Variants in GFPT2 observed in about 807,000 individuals in gnomAD.
The protein encoded by GFPT2 is glutamine--fructose-6-phosphate aminotransferase [isomerizing] 2.
In GFPT2, 62 loss-of-function variants were observed where a neutral mutation model predicts 85.6. That is an observed-to-expected ratio of 0.72 (90% CI 0.59 to 0.90). GFPT2 has a LOEUF of 0.90. GFPT2 is among the 40% of genes least tolerant of loss of function. The pLI, the probability that GFPT2 is intolerant of heterozygous loss-of-function variation, is 0.00. For missense variants in GFPT2, 788 were observed against 893.4 expected (o/e 0.88, Z 1.50); for synonymous variants, 368 against 344.5 (o/e 1.07, Z -0.75).
chr5:180,320,905 C>G lies in GFPT2; in HGVS notation c.795-1949G>C, dbSNP rs972022515. On this transcript the variant is annotated intron_variant, in intron 9 of 18. Coordinates refer to ENST00000253778, the MANE Select transcript of GFPT2 (RefSeq NM_005110.4). ...TAAAAGACGTATATCCAGCCAGATC[C>G]TAGGGAAGAAAGAGAAAGAAAGATG... Among the ~76,000 whole-genome samples the G allele has an allele frequency of 2.2e-4, 34 of 152,090 alleles. 1 individual carries two copies. Among genetic ancestry groups the G allele is most frequent in the Admixed American group, 2.0e-3 (30 of 15,268 alleles).
chr5:180,327,291 C>T (rs7724653), intron 7 of GFPT2, among the ~76,000 whole-genome samples: 25,421 of 152,156 alleles, frequency 0.17, 2,139 homozygotes, highest in East Asian at 0.23. Context: ...TACCACCTTG[C>T]TCACCACTGT....
intron 7 of GFPT2, among the ~76,000 whole-genome samples, chr5:180,326,218 G>T (rs62404933): frequency 0.19 from 28,482 of 152,062 alleles, 3,285 homozygotes; most frequent in Non-Finnish European, 0.26. Flanking sequence ...AACCAGGCAG[G>T]TAAAAGTGCA....
chr5:180,300,851 T>C lies in GFPT2; in HGVS notation c.*713A>G, dbSNP rs922418302. ...GGGCAAGGAGCAGGGACCAAAATGC[T>C]GCCAGGGCTTAAAAAGAGCCGTGAT... is the stretch of plus-strand genomic sequence containing the variant. On this transcript the variant is annotated 3_prime_UTR_variant, in exon 19 of 19. Transcript: ENST00000253778. 6.6e-6 allele frequency: 1 copy of C among 152,662 alleles called. No homozygotes were observed. Among genetic ancestry groups the C allele is most frequent in the Non-Finnish European group, 1.5e-5 (1 of 68,068 alleles). The allele number at this position is 152,662 out of a possible 1,614,324, so 9.5% of individuals were successfully genotyped here.
At chr5:180,336,634 G>T in intron 2 of GFPT2, 57 bp from the exon 3 acceptor site, 1 of 1,137,358 alleles carries the variant, frequency 8.8e-7, no homozygotes, top group Non-Finnish European at 1.3e-6. Flanking sequence ...CACACACTTG[G>T]CACAGGTGCT....
intron 15 of GFPT2, among the ~76,000 whole-genome samples, chr5:180,307,638 AC>A (rs1263075731): frequency 6.6e-6 from 1 of 151,896 alleles, no homozygotes; most frequent in Admixed American, 6.6e-5. Context: ...ACCAGTTAAC[AC>A]CCCTCTTTCC....
intron 7 of GFPT2, among the ~76,000 whole-genome samples, chr5:180,327,401 C>T (rs1267025772): frequency 2.6e-5 from 4 of 152,212 alleles, no homozygotes; most frequent in African/African-American, 7.2e-5. Context: ...ACCTTGCCAA[C>T]GGGGATCCTG....
In GFPT2 at chr5:180,316,817, A is replaced by G. The variant is rs1554133586; in HGVS notation, c.1099T>C (p.Cys367Arg). ...LKDHLKEIRRCRRLIVIGCGT... is the reference protein window; with the variant it reads ...LKDHLKEIRRRRRLIVIGCGT... ...CAGCCAATCACGATGAGCCGTCGGCATCGTCGAATCTCCTTCAAGTGGTCC... is the reference window on the plus strand; with the variant it reads ...CAGCCAATCACGATGAGCCGTCGGCGTCGTCGAATCTCCTTCAAGTGGTCC... The change falls in exon 12 of 19, where the codon TGC becomes CGC. Residue 367 changes from cysteine to arginine, a missense_variant. Coordinates refer to ENST00000253778, the MANE Select transcript of GFPT2 (RefSeq NM_005110.4). 6.2e-7 allele frequency: 1 copy of G among 1,614,068 alleles called. No individual in the cohort carries two copies. Among genetic ancestry groups the G allele is most frequent in the Non-Finnish European group, 8.5e-7 (1 of 1,180,014 alleles).
intron 7 of GFPT2, among the ~76,000 whole-genome samples, chr5:180,325,448 G>GT (rs1482068557): frequency 3.3e-5 from 5 of 152,158 alleles, no homozygotes; most frequent in Non-Finnish European, 7.4e-5. Context: ...TTCTTGGGTG[G>GT]TTTTTTGTCT....
chr5:180,327,568 C>A (rs1227669828), intron 7 of GFPT2, among the ~76,000 whole-genome samples: 1 of 152,230 alleles, frequency 6.6e-6, no homozygotes, highest in African/African-American at 2.4e-5. Flanking sequence ...CCCTTCTCTG[C>A]CCTCCTGTAC....
intron 13 of GFPT2, among the ~76,000 whole-genome samples, chr5:180,315,640 T>G (rs906456360): frequency 2.0e-5 from 3 of 152,174 alleles, no homozygotes; most frequent in African/African-American, 7.2e-5. Context: ...GGCTAGGATA[T>G]TCATTATATG....
At chr5:180,325,262 T>C (rs1191242991) in intron 7 of GFPT2, among the ~76,000 whole-genome samples, 1 of 151,942 alleles carries the variant, frequency 6.6e-6, no homozygotes, top group African/African-American at 2.4e-5. Flanking sequence ...GCACTCTAGG[T>C]CTCCACCCAG....
At position 180,307,169 on chromosome 5, in the gene GFPT2, G is replaced by T; in HGVS notation, c.1674+7C>A. On this transcript the variant is annotated splice_region_variant and intron_variant, in intron 16 of 18. Coordinates refer to ENST00000253778, the MANE Select transcript of GFPT2 (RefSeq NM_005110.4). ...CGTGGGGGTGGGGGCTGGGGGTGGG[G>T]GCTCACCAGGGCTCCTTCCAGGCAG... 2 of 1,529,154 alleles carry T rather than the reference G, an allele frequency of 1.3e-6. No homozygotes were observed. Among genetic ancestry groups the T allele is most frequent in the Non-Finnish European group, 1.8e-6 (2 of 1,131,588 alleles). 94.7% of individuals were successfully genotyped at this position (1,529,154 alleles called of 1,614,324 possible).
intron 1 of GFPT2, among the ~76,000 whole-genome samples, chr5:180,349,789 A>G (rs1421514952): frequency 6.6e-6 from 1 of 152,080 alleles, no homozygotes; most frequent in Non-Finnish European, 1.5e-5. Context: ...GGAGACGAAC[A>G]CACCAACCAG....
At chr5:180,344,540 G>A (rs931831482) in intron 1 of GFPT2, among the ~76,000 whole-genome samples, 2 of 152,216 alleles carry the variant, frequency 1.3e-5, no homozygotes, top group Admixed American at 6.5e-5. Flanking sequence ...TGTACATGAC[G>A]CAGACCTGCC....
At position 180,307,312 on chromosome 5, in the gene GFPT2, T is replaced by C. The variant is rs3763131; in HGVS notation, c.1547-9A>G. 317,057 of 1,612,476 alleles carry C rather than the reference T, an allele frequency of 0.2. 32,569 individuals carry two copies. The highest frequency in any genetic ancestry group is 0.34 in the East Asian group (15,099 of 44,848). On this transcript the variant is annotated splice_polypyrimidine_tract_variant and intron_variant, in intron 15 of 18. Transcript: ENST00000253778. ...CACTTCCTTGATCAGCTCTGGGCCA[T>C]GCACGGAGCAGAGGGAGAAAACCAG...
Position 180,331,535 on chromosome 5 carries a change from T to C in GFPT2, c.359A>G (p.Asn120Ser), listed in dbSNP as rs1167604841. The change falls in exon 5 of 19, where the codon AAT becomes AGT. Residue 120 changes from asparagine (N) to serine (S), a missense_variant. Coordinates refer to ENST00000253778, the MANE Select transcript of GFPT2 (RefSeq NM_005110.4). ...DKGNEFVVIH[N>S]GIITNYKDLR... is the part of the protein sequence containing the mutation. ...ATCTTTGTAATTTGTGATGATCCCA[T>C]TGTGGATGACAACAAATTCTGAAAG... 3 of 1,588,732 alleles carry C rather than the reference T, an allele frequency of 1.9e-6. No individual in the cohort carries two copies. The highest frequency in any genetic ancestry group is 2.2e-5 in the South Asian group (2 of 90,526).
intron 14 of GFPT2, among the ~76,000 whole-genome samples, 167 bp downstream of exon 14, chr5:180,313,640 C>G (rs75050499): frequency 6.6e-6 from 1 of 151,408 alleles, no homozygotes; most frequent in Non-Finnish European, 1.5e-5. Context: ...AATGAAGATA[C>G]GGGAATCCAA....
intron 1 of GFPT2, among the ~76,000 whole-genome samples, chr5:180,349,878 GT>G (rs61294953): frequency 0.17 from 24,477 of 145,988 alleles, 2,224 homozygotes; most frequent in Non-Finnish European, 0.2. Context: ...CACAGTGATT[GT>G]TTTTTTTTTT....
rs1024974344 is a variant in GFPT2, at chr5:180,306,754, C to T, written c.1674+422G>A. Among the ~76,000 whole-genome samples, 37 of 152,184 alleles carry T rather than the reference C, an allele frequency of 2.4e-4. 1 individual carries two copies. Among genetic ancestry groups the T allele is most frequent in the Non-Finnish European group, 1.3e-4 (9 of 68,022 alleles). On this transcript the variant is annotated intron_variant, in intron 16 of 18. Coordinates refer to ENST00000253778, the MANE Select transcript of GFPT2 (RefSeq NM_005110.4). Reference sequence around the variant, plus strand: ...AGGCCCCATGGACTCAGGTCTGATTCGGGTCCCCTACGTCATCTTGAGTGA... The same window carrying T: ...AGGCCCCATGGACTCAGGTCTGATTTGGGTCCCCTACGTCATCTTGAGTGA...
Sources: gnomAD v4.1 joint callset for allele counts (sites outside exome capture counted in the v4.1 genomes callset) on GRCh38, gnomAD v4.1.1 for gene constraint, MANE v1.5 for transcripts, NCBI Gene and HGNC (gene_info 2026-07-23, HGNC 2026-07-21) for gene names.